The following RASA2 variants were observed in gnomAD, a reference collection of about 807,000 sequenced individuals.
RASA2 encodes the protein RAS p21 protein activator 2.
RASA2 carries 155 observed loss-of-function variants against 118.2 expected under a neutral mutation model. That is an observed-to-expected ratio of 1.31 (90% CI 1.15 to 1.50). The LOEUF (loss-of-function observed/expected upper bound fraction) is 1.50. Ranked by LOEUF, RASA2 falls within the 40% of genes most tolerant of loss-of-function variation. The pLI, the probability that RASA2 is intolerant of heterozygous loss-of-function variation, is 0.00. For missense variants in RASA2, 1,016 were observed against 1,009.6 expected (o/e 1.01, Z -0.09); for synonymous variants, 353 against 349.1 (o/e 1.01, Z -0.12).
chr3:141,573,315 G>A (rs1401225717), intron 13 of RASA2, 94 bp downstream of exon 13: 6 of 1,306,198 alleles, frequency 4.6e-6, no homozygotes, highest in Non-Finnish European at 6.1e-6. Flanking sequence ...CATATAGAGG[G>A]AAGCAGTGCT....
chr3:141,610,320 A>G (rs2083618503), intron 23 of RASA2, among the ~76,000 whole-genome samples: 1 of 141,072 alleles, frequency 7.1e-6, no homozygotes, highest in Admixed American at 7.6e-5. Flanking sequence ...TATATGATAT[A>G]TGTATATAAA....
In RASA2 at chr3:141,610,410, ATTTATATT is replaced by A. The variant is rs1559799604; in HGVS notation, c.2519+346_2519+353del. ...ATATATTTATATTTATATATTATATATTTATATTTATATATTATATATTTATATTTATA... is the reference window on the plus strand; with the variant it reads ...ATATATTTATATTTATATATTATATATATATATTATATATTTATATTTATA... On this transcript the variant is annotated intron_variant, in intron 23 of 23. Coordinates refer to ENST00000286364, the MANE Select transcript of RASA2 (RefSeq NM_006506.5). 2.9e-3 allele frequency among the ~76,000 whole-genome samples: 304 copies of A among 105,094 alleles called. 3 individuals are homozygous for A. The highest frequency in any genetic ancestry group is 9.8e-3 in the African/African-American group (264 of 26,830). The allele number at this position is 105,094 out of a possible 152,430, so 68.9% of individuals were successfully genotyped here.
intron 3 of RASA2, among the ~76,000 whole-genome samples, chr3:141,520,016 T>C (rs997879480): frequency 3.1e-4 from 43 of 140,422 alleles, no homozygotes; most frequent in Non-Finnish European, 6.6e-4. Flanking sequence ...TTTCTCTTTT[T>C]TTTTTTTTTT....
intron 19 of RASA2, among the ~76,000 whole-genome samples, chr3:141,592,392 G>C (rs2083298819): frequency 6.6e-6 from 1 of 151,980 alleles, no homozygotes; most frequent in Non-Finnish European, 1.5e-5. Context: ...TGAAGAAGAG[G>C]GTAAGTCATA....
chr3:141,574,493 G>T (rs2082979558), intron 14 of RASA2, among the ~76,000 whole-genome samples: 1 of 152,030 alleles, frequency 6.6e-6, no homozygotes, highest in Non-Finnish European at 1.5e-5. Flanking sequence ...CCCAGCCTAA[G>T]GTTTTTAAGT....
chr3:141,573,080 A>G (rs1225004238), intron 12 of RASA2, 67 bp from the exon 13 acceptor site: 6 of 1,326,026 alleles, frequency 4.5e-6, no homozygotes, highest in Non-Finnish European at 6.1e-6. Context: ...TTATCAGAAA[A>G]ATAAGTTATT....
At chr3:141,528,418 G>A (rs566383101) in intron 3 of RASA2, among the ~76,000 whole-genome samples, 17 of 152,026 alleles carry the variant, frequency 1.1e-4, no homozygotes, top group Admixed American at 1.0e-3. Context: ...CATTATATAC[G>A]TTAGAGGGAG....
At chr3:141,514,530 A>G (rs1454362164) in intron 2 of RASA2, among the ~76,000 whole-genome samples, 2 of 152,186 alleles carry the variant, frequency 1.3e-5, no homozygotes, top group Non-Finnish European at 2.9e-5. Flanking sequence ...CATTCACTAG[A>G]ATAGCTAAAG....
intron 23 of RASA2, among the ~76,000 whole-genome samples, chr3:141,611,999 C>T (rs1171770610): frequency 1.3e-5 from 2 of 152,244 alleles, no homozygotes; most frequent in Admixed American, 6.5e-5. Context: ...CAACCTCTAC[C>T]ATACTAAATA....
chr3:141,567,424 T>C (rs1314588233), intron 9 of RASA2, among the ~76,000 whole-genome samples: 1 of 151,790 alleles, frequency 6.6e-6, no homozygotes, highest in East Asian at 1.9e-4. Flanking sequence ...CAAATAATAA[T>C]AATAATAATA....
intron 17 of RASA2, among the ~76,000 whole-genome samples, chr3:141,584,840 T>G (rs1369046481): frequency 1.3e-5 from 2 of 152,188 alleles, no homozygotes; most frequent in Non-Finnish European, 2.9e-5. Context: ...GATTTTGGAT[T>G]TTTTTCAAAT....
intron 17 of RASA2, among the ~76,000 whole-genome samples, chr3:141,582,634 C>G (rs1263749130): frequency 6.6e-6 from 1 of 152,194 alleles, no homozygotes; most frequent in African/African-American, 2.4e-5. Context: ...TTCTAATGGA[C>G]TATCGCCATA....
chr3:141,551,417 T>C (rs2082573114), intron 5 of RASA2, among the ~76,000 whole-genome samples: 1 of 152,192 alleles, frequency 6.6e-6, no homozygotes, highest in African/African-American at 2.4e-5. Flanking sequence ...CAAATGGTTC[T>C]TTCCCCAGCC....
intron 5 of RASA2, among the ~76,000 whole-genome samples, chr3:141,547,885 T>C (rs1379391066): frequency 2.0e-5 from 3 of 152,198 alleles, no homozygotes; most frequent in Non-Finnish European, 4.4e-5. Flanking sequence ...GAGGGTTTTA[T>C]TATTATGAAG....
intron 2 of RASA2, among the ~76,000 whole-genome samples, chr3:141,514,856 A>G (rs2081999823): frequency 6.6e-6 from 1 of 152,254 alleles, no homozygotes; most frequent in Non-Finnish European, 1.5e-5. Flanking sequence ...TGTACACAAC[A>G]ACATCGAAAA....
rs2083411798 is a variant in RASA2 at position 141,598,576 on chromosome 3, A to G, written c.1934-9102A>G. On this transcript the variant is annotated intron_variant, in intron 19 of 23. Coordinates refer to ENST00000286364, the MANE Select transcript of RASA2 (RefSeq NM_006506.5). Reference sequence around the variant, plus strand: ...TGCAGTAAGACAAGAAATAAAAGGCATATAGTGTTATATTGAAACTCCTGA... The same window carrying G: ...TGCAGTAAGACAAGAAATAAAAGGCGTATAGTGTTATATTGAAACTCCTGA... 3.3e-5 allele frequency among the ~76,000 whole-genome samples: 5 copies of G among 152,350 alleles called. No homozygotes were observed. In the South Asian group the frequency reaches 1.0e-3, roughly 32 times the overall value.
At chr3:141,541,747 C>T (rs1451751477) in intron 5 of RASA2, among the ~76,000 whole-genome samples, 6 of 150,848 alleles carry the variant, frequency 4.0e-5, no homozygotes, top group Non-Finnish European at 8.9e-5. Context: ...CTTTAATCTC[C>T]TTTAACATGG....
rs2083689540 is a variant in RASA2, at chr3:141,613,947, G to A, written c.*1634G>A. ...AGAGTCCTTTAAATTTTATAAGCTT[G>A]TAGATTCCATAAACTACACTGATTT... is the stretch of plus-strand genomic sequence containing the variant. On this transcript the variant is annotated 3_prime_UTR_variant, in exon 24 of 24. Transcript: ENST00000286364. The A allele has an allele frequency of 6.6e-6, 1 of 152,118 alleles. No individual in the cohort carries two copies. Among genetic ancestry groups the A allele is most frequent in the African/African-American group, 2.4e-5 (1 of 41,434 alleles). The allele number at this position is 152,118 out of a possible 1,614,324, so 9.4% of individuals were successfully genotyped here.
At chr3:141,522,750 C>T (rs957361744) in intron 3 of RASA2, among the ~76,000 whole-genome samples, 1 of 152,192 alleles carries the variant, frequency 6.6e-6, no homozygotes, top group African/African-American at 2.4e-5. Flanking sequence ...TCACCCCGTA[C>T]ACTTCACGCT....
Sources: allele counts gnomAD v4.1 joint callset (sites outside exome capture counted in the v4.1 genomes callset), GRCh38; gene constraint gnomAD v4.1.1; transcripts MANE v1.5; gene names NCBI Gene and HGNC (gene_info 2026-07-23, HGNC 2026-07-21).